Variants in BICRAL observed in about 807,000 individuals in gnomAD.
The protein encoded by BICRAL is BICRA like chromatin remodeling complex associated protein, also known as BRD4-interacting chromatin-remodeling complex-associated protein-like.
Under a neutral mutation model 91.8 loss-of-function variants are expected in BICRAL, and 8 were observed. The observed-to-expected ratio is 0.09, with a 90% CI of 0.05 to 0.16. The LOEUF is 0.16. Among genes scored for constraint, BICRAL ranks in the 10% least tolerant of loss-of-function variants. BICRAL has a pLI of 1.00. For synonymous variants in BICRAL, 445 were observed against 491.1 expected (o/e 0.91, Z 1.24); for missense variants, 1,038 against 1,310.9 (o/e 0.79, Z 3.21).
chr6:42,810,751 C>G (rs983090964), intron 2 of BICRAL, among the ~76,000 whole-genome samples: 1 of 152,106 alleles, frequency 6.6e-6, no homozygotes, highest in Non-Finnish European at 1.5e-5. Flanking sequence ...ATTCCCACCC[C>G]CTAGCATAGT....
chr6:42,845,195 GTTTTTTTTTTTTTTTTTTTT>G (rs748804344), intron 6 of BICRAL, among the ~76,000 whole-genome samples: 38 of 25,602 alleles, frequency 1.5e-3, no homozygotes, highest in Admixed American at 2.0e-3. Context: ...TTTTTTGGGT[GTTTTTTTTTTTTTTTTTTTT>G]TTTTTTTTTT....
intron 1 of BICRAL, among the ~76,000 whole-genome samples, chr6:42,750,795 C>T (rs1762365127): frequency 6.9e-6 from 1 of 145,806 alleles, no homozygotes; most frequent in African/African-American, 2.5e-5. Flanking sequence ...CCAGGCTGGT[C>T]TTGAACTCCT....
intron 2 of BICRAL, among the ~76,000 whole-genome samples, chr6:42,810,904 A>G (rs1312862268): frequency 6.6e-6 from 1 of 152,210 alleles, no homozygotes; most frequent in Non-Finnish European, 1.5e-5. Flanking sequence ...GAGGCACAGG[A>G]GAAAACTGTA....
intron 2 of BICRAL, among the ~76,000 whole-genome samples, chr6:42,815,155 G>A (rs939324507): frequency 1.4e-5 from 2 of 140,414 alleles, no homozygotes; most frequent in African/African-American, 5.3e-5. Flanking sequence ...GTGAAGTTTG[G>A]TTTTCTTCCA....
intron 1 of BICRAL, among the ~76,000 whole-genome samples, chr6:42,782,342 T>C (rs1160852307): frequency 1.1e-3 from 112 of 104,684 alleles, no homozygotes; most frequent in African/African-American, 4.4e-3. Context: ...TTTTTTTTTT[T>C]TGGGGGGGGG....
intron 1 of BICRAL, among the ~76,000 whole-genome samples, chr6:42,764,537 T>TA (rs960307778): frequency 0.014 from 1,939 of 141,594 alleles, 35 homozygotes; most frequent in African/African-American, 0.043. Context: ...GACTCTGTCT[T>TA]AAAAAAAAAA....
intron 1 of BICRAL, among the ~76,000 whole-genome samples, chr6:42,770,752 G>A (rs1762707273): frequency 6.6e-6 from 1 of 151,066 alleles, no homozygotes; most frequent in Non-Finnish European, 1.5e-5. Flanking sequence ...GTGCAGTGGC[G>A]CAATTTCCAC....
At chr6:42,849,210 G>T (rs112517348) in intron 6 of BICRAL, among the ~76,000 whole-genome samples, 1 of 151,876 alleles carries the variant, frequency 6.6e-6, no homozygotes, top group Non-Finnish European at 1.5e-5. Context: ...CATCAGCACC[G>T]CCAAGTAGCT....
chr6:42,747,563 T>G (rs1204654589), intron 1 of BICRAL, among the ~76,000 whole-genome samples: 1 of 152,118 alleles, frequency 6.6e-6, no homozygotes, highest in Non-Finnish European at 1.5e-5. Context: ...CACACATAAA[T>G]TGCTGGGCCA....
intron 1 of BICRAL, among the ~76,000 whole-genome samples, chr6:42,803,978 G>A (rs2113903856): frequency 6.6e-6 from 1 of 152,282 alleles, no homozygotes; most frequent in East Asian, 1.9e-4. Flanking sequence ...ACACAGAAAA[G>A]AAACACTAAC....
At chr6:42,784,423 A>T (rs905642119) in intron 1 of BICRAL, among the ~76,000 whole-genome samples, 1 of 152,214 alleles carries the variant, frequency 6.6e-6, no homozygotes, top group African/African-American at 2.4e-5. Context: ...AGTGTAGAAA[A>T]ATAACACCGT....
chr6:42,851,437 T>C (rs1411093917), intron 6 of BICRAL, among the ~76,000 whole-genome samples: 1 of 152,196 alleles, frequency 6.6e-6, no homozygotes, highest in Non-Finnish European at 1.5e-5. Flanking sequence ...TCTTAAACAT[T>C]ATCCATTTCA....
chr6:42,835,767 C>CAAAAA (rs1764620084), intron 6 of BICRAL, among the ~76,000 whole-genome samples: 1 of 152,078 alleles, frequency 6.6e-6, no homozygotes, highest in Non-Finnish European at 1.5e-5. Flanking sequence ...AACACTGTCT[C>CAAAAA]TACAAAAAAT....
intron 2 of BICRAL, among the ~76,000 whole-genome samples, chr6:42,813,688 T>C (rs780822988): frequency 2.0e-5 from 3 of 151,992 alleles, no homozygotes; most frequent in Non-Finnish European, 2.9e-5. Context: ...GCCCAGCTAA[T>C]TTTTTTATTT....
chr6:42,833,338 G>A (rs893860262), intron 6 of BICRAL, among the ~76,000 whole-genome samples: 2 of 151,976 alleles, frequency 1.3e-5, no homozygotes, highest in African/African-American at 4.8e-5. Flanking sequence ...GTGAGCCACC[G>A]CGCCCGGCCC....
At chr6:42,850,658 G>A (rs991542314) in intron 6 of BICRAL, among the ~76,000 whole-genome samples, 2 of 152,072 alleles carry the variant, frequency 1.3e-5, no homozygotes, top group African/African-American at 4.8e-5. Flanking sequence ...GGCTGAGGCG[G>A]GCGGATAACA....
intron 5 of BICRAL, among the ~76,000 whole-genome samples, chr6:42,825,026 C>T (rs572508985): frequency 2.7e-4 from 41 of 152,122 alleles, no homozygotes; most frequent in East Asian, 2.5e-3. Flanking sequence ...TTTGGGAGGC[C>T]GAGGCAGGCA....
Position 42,828,725 on chromosome 6 carries a change from G to T in BICRAL, c.392G>T (p.Gly131Val). The stretch of plus-strand genomic sequence containing the variant: ...GAGGCATATTTGGATGCCAGTATAG[G>T]TTCAAGCCAACAGTTTGCACAAGCT... ...AEEAYLDASI[G>V]SSQQFAQAQL... Residue 131 changes from glycine to valine, a missense_variant, in exon 6 of 13, where the codon GGT (glycine) becomes GTT (valine). Physicochemically the swap from Gly to Val is moderately radical, Grantham distance 109 (BLOSUM62 -3). Transcript: ENST00000314073. 1 of 1,614,180 alleles carries T rather than the reference G, an allele frequency of 6.2e-7. No homozygotes were observed. The highest frequency in any genetic ancestry group is 8.5e-7 in the Non-Finnish European group (1 of 1,180,034).
intron 1 of BICRAL, among the ~76,000 whole-genome samples, chr6:42,793,969 C>CATTTTTATTTTT (rs56661185): frequency 8.7e-4 from 127 of 145,978 alleles, no homozygotes; most frequent in Middle Eastern, 3.4e-3. Context: ...GACAAGATGA[C>CATTTTTATTTTT]ATTTTTATTT....
Sources: allele counts gnomAD v4.1 joint callset (sites outside exome capture counted in the v4.1 genomes callset), GRCh38; gene constraint gnomAD v4.1.1; transcripts MANE v1.5; gene names NCBI Gene and HGNC (gene_info 2026-07-23, HGNC 2026-07-21).